The following DYNC2I2 variants were observed in gnomAD, a reference collection of about 807,000 sequenced individuals.
DYNC2I2 encodes dynein 2 intermediate chain 2, also known as cytoplasmic dynein 2 intermediate chain 2.
In DYNC2I2, 39 loss-of-function variants were observed where a neutral mutation model predicts 52.0. That is an observed-to-expected ratio of 0.75 (90% CI 0.58 to 0.98). The LOEUF is 0.98. Among genes scored for constraint, DYNC2I2 ranks in the 50% least tolerant of loss-of-function variants. The pLI is 0.00. For missense variants in DYNC2I2, 743 were observed against 728.4 expected, an observed-to-expected ratio of 1.02 and a Z score of -0.23; for synonymous variants, 359 against 321.1, an observed-to-expected ratio of 1.12 and a Z score of -1.26.
At position 128,640,982 on chromosome 9, in the gene DYNC2I2, C is replaced by T. The variant is rs368373756; in HGVS notation, c.187-43G>A. On this transcript the variant is annotated intron_variant, in intron 1 of 8. Coordinates refer to ENST00000372715, the MANE Select transcript of DYNC2I2 (RefSeq NM_052844.4). The stretch of plus-strand genomic sequence containing the variant: ...ACAAGTGTCACCACCCAGCTGTCCT[C>T]GCACAGCCCCCACCCAGCCCCCTGC... 3.7e-4 allele frequency: 572 copies of T among 1,541,828 alleles called. 3 individuals carry two copies. In the African/African-American group the frequency reaches 6.6e-3, roughly 18 times the overall value.
At position 128,640,152 on chromosome 9, in the gene DYNC2I2, C is replaced by T. The variant is rs2132154009; in HGVS notation, c.435+539G>A. Among the ~76,000 whole-genome samples the T allele has an allele frequency of 1.3e-5, 2 of 152,142 alleles. 1 individual carries two copies. The highest frequency in any genetic ancestry group is 6.8e-3 in the Middle Eastern group (2 of 294). On this transcript the variant is annotated intron_variant, in intron 2 of 8. Coordinates refer to ENST00000372715, the MANE Select transcript of DYNC2I2 (RefSeq NM_052844.4). ...CCTCCAGAGTAGCTAGGACTATAGG[C>T]ACCTGCCACTACGCCCGGCTAATTT...
chr9:128,634,888 C>A lies in DYNC2I2; in HGVS notation c.1015G>T (p.Ala339Ser), dbSNP rs1167505863. 1 of 1,613,080 alleles carries A rather than the reference C, an allele frequency of 6.2e-7. No homozygotes were observed. Among genetic ancestry groups the A allele is most frequent in the South Asian group, 1.1e-5 (1 of 91,046 alleles). Residue 339 changes from alanine to serine, a missense_variant, in exon 7 of 9, where the codon GCA becomes TCA. Coordinates refer to ENST00000372715, the MANE Select transcript of DYNC2I2 (RefSeq NM_052844.4). ...GGGTCAAAGCTGGAGAAGGCCACTGCCGTGGCGCCCACCTCGGTCTCCCCG... is the reference window on the plus strand; with the variant it reads ...GGGTCAAAGCTGGAGAAGGCCACTGACGTGGCGCCCACCTCGGTCTCCCCG... ...PRGETEVGAT[A>S]VAFSSFDPRL...
At chr9:128,646,629 G>C (rs1158545631) in intron 1 of DYNC2I2, among the ~76,000 whole-genome samples, 2 of 152,234 alleles carry the variant, frequency 1.3e-5, no homozygotes, top group Non-Finnish European at 2.9e-5. Flanking sequence ...GGCTAATGCA[G>C]CTGATGACTT....
At chr9:128,669,639 G>A in the DYNC2I2 span, among the ~76,000 whole-genome samples, 4 of 152,138 alleles carry the variant, frequency 2.6e-5, no homozygotes, top group African/African-American at 7.2e-5. Flanking sequence ...ATAGGTTGCG[G>A]TGAGCCGACA....
chr9:128,634,078 C>T, intron 8 of DYNC2I2, 96 bp from the exon 9 acceptor site: 1 of 1,552,660 alleles, frequency 6.4e-7, no homozygotes, highest in Non-Finnish European at 8.8e-7. Context: ...CTGTTGTGTG[C>T]AGCCACAGTG....
the DYNC2I2 span, among the ~76,000 whole-genome samples, chr9:128,682,203 C>T: frequency 6.6e-6 from 1 of 151,924 alleles, no homozygotes; most frequent in Non-Finnish European, 1.5e-5. Context: ...TGCCTGCAAC[C>T]ACGCCCGGCT....
chr9:128,676,351 A>T, the DYNC2I2 span, among the ~76,000 whole-genome samples: 1 of 151,556 alleles, frequency 6.6e-6, no homozygotes, highest in African/African-American at 2.4e-5. Flanking sequence ...GTAGCCGGGC[A>T]TGATAGTGGG....
At chr9:128,684,224 C>A in the DYNC2I2 span, among the ~76,000 whole-genome samples, 1 of 152,126 alleles carries the variant, frequency 6.6e-6, no homozygotes, top group African/African-American at 2.4e-5. Context: ...CAACTCAACA[C>A]TGACCCCTGA....
chr9:128,646,530 A>G (rs1860620548), intron 1 of DYNC2I2, among the ~76,000 whole-genome samples: 1 of 152,202 alleles, frequency 6.6e-6, no homozygotes, highest in Non-Finnish European at 1.5e-5. Context: ...ATGAAACATT[A>G]GAAGGACATG....
the DYNC2I2 span, among the ~76,000 whole-genome samples, chr9:128,675,409 AC>A: frequency 1.3e-5 from 2 of 152,114 alleles, no homozygotes; most frequent in Admixed American, 1.3e-4. Context: ...CTAACTCCTG[AC>A]CTCAGGTGAT....
chr9:128,646,812 G>A (rs1008986647), intron 1 of DYNC2I2, among the ~76,000 whole-genome samples: 3 of 152,072 alleles, frequency 2.0e-5, no homozygotes, highest in African/African-American at 7.3e-5. Context: ...GGGAAACCCA[G>A]TCTCTACAAA....
intron 1 of DYNC2I2, among the ~76,000 whole-genome samples, chr9:128,648,757 G>A (rs1860667794): frequency 6.6e-6 from 1 of 150,542 alleles, no homozygotes; most frequent in Admixed American, 6.7e-5. Context: ...CCAAGATCGT[G>A]CCACTGCACT....
At chr9:128,672,802 C>T in the DYNC2I2 span, among the ~76,000 whole-genome samples, 1 of 152,042 alleles carries the variant, frequency 6.6e-6, no homozygotes, top group Non-Finnish European at 1.5e-5. Flanking sequence ...CCGAGGCAGG[C>T]GGATCACAAG....
At chr9:128,640,169 G>A (rs904562377) in intron 2 of DYNC2I2, among the ~76,000 whole-genome samples, 7 of 151,982 alleles carry the variant, frequency 4.6e-5, no homozygotes, top group Non-Finnish European at 7.4e-5. Flanking sequence ...CACTACGCCC[G>A]GCTAATTTTT....
chr9:128,665,615 C>T, the DYNC2I2 span, among the ~76,000 whole-genome samples: 1 of 151,208 alleles, frequency 6.6e-6, no homozygotes, highest in African/African-American at 2.4e-5. Flanking sequence ...ACTAAAAATA[C>T]AAAAATTAGC....
At chr9:128,684,165 A>AGG in the DYNC2I2 span, among the ~76,000 whole-genome samples, 1 of 152,136 alleles carries the variant, frequency 6.6e-6, no homozygotes, top group East Asian at 1.9e-4. Context: ...AAGAACCAGA[A>AGG]GGGACTAGAC....
At chr9:128,667,302 A>T in the DYNC2I2 span, among the ~76,000 whole-genome samples, 1 of 152,156 alleles carries the variant, frequency 6.6e-6, no homozygotes, top group African/African-American at 2.4e-5. Flanking sequence ...CTGAGGTTGC[A>T]GTAAACTGTG....
Position 128,640,675 on chromosome 9 carries a change from C to A in DYNC2I2, c.435+16G>T, listed in dbSNP as rs755287143. ...GGCAGGGGCTCGACCCGAGGCTGCACCAGCCCATCCCCTACCATCTGCTGC... is the reference window on the plus strand; with the variant it reads ...GGCAGGGGCTCGACCCGAGGCTGCAACAGCCCATCCCCTACCATCTGCTGC... On this transcript the variant is annotated intron_variant, in intron 2 of 8. Coordinates refer to ENST00000372715, the MANE Select transcript of DYNC2I2 (RefSeq NM_052844.4). 2.5e-6 allele frequency: 4 copies of A among 1,609,238 alleles called. No individual in the cohort carries two copies. The highest frequency in any genetic ancestry group is 2.5e-6 in the Non-Finnish European group (3 of 1,176,604).
the DYNC2I2 span, among the ~76,000 whole-genome samples, chr9:128,668,862 G>C: frequency 2.0e-5 from 3 of 151,310 alleles, no homozygotes; most frequent in Non-Finnish European, 4.4e-5. Context: ...CAAGTGCCTT[G>C]AATACATAGA....
Sources: gnomAD v4.1 joint callset for allele counts (sites outside exome capture counted in the v4.1 genomes callset) on GRCh38, gnomAD v4.1.1 for gene constraint, MANE v1.5 for transcripts, NCBI Gene and HGNC (gene_info 2026-07-23, HGNC 2026-07-21) for gene names.